The following FANCA variants were observed in gnomAD, a reference collection of about 807,000 sequenced individuals.
FANCA encodes FA complementation group A.
FANCA carries 236 observed loss-of-function variants against 194.3 expected under a neutral mutation model. The observed-to-expected ratio is 1.21, with a 90% CI of 1.09 to 1.35. The LOEUF is 1.35. FANCA is among the 40% of genes most tolerant of loss of function. The pLI is 0.00. For missense variants in FANCA, 2,628 were observed against 1,813.9 expected, an observed-to-expected ratio of 1.45 and a Z score of -8.15; for synonymous variants, 1,014 against 715.8, an observed-to-expected ratio of 1.42 and a Z score of -6.65.
intron 6 of FANCA, among the ~76,000 whole-genome samples, chr16:89,806,286 G>T (rs188269284): frequency 6.6e-6 from 1 of 151,668 alleles, no homozygotes; most frequent in Non-Finnish European, 1.5e-5. Flanking sequence ...GCTACTACTG[G>T]GTAGAGTGCT....
At chr16:89,803,152 A>G (rs1225132078) in intron 8 of FANCA, 107 bp downstream of exon 8, 2 of 1,081,416 alleles carry the variant, frequency 1.8e-6, no homozygotes, top group African/African-American at 3.1e-5. Context: ...TACCCCGTAA[A>G]TAGGTACAAA....
At chr16:89,767,078 C>G in intron 27 of FANCA, 63 bp downstream of exon 27, 2 of 1,350,842 alleles carry the variant, frequency 1.5e-6, no homozygotes, top group Non-Finnish European at 2.1e-6. Context: ...GCCTTCCGGT[C>G]CGAAAGCTGC....
Position 89,740,746 on chromosome 16 carries a change from G to C in FANCA, c.3828+58C>G, listed in dbSNP as rs1042325907. ...CCCTGACTTGGAAGCTGGCTGCCTG[G>C]TGCCCCTGCCTGGCCCACAGTGGGA... On this transcript the variant is annotated intron_variant, in intron 38 of 42. Coordinates refer to ENST00000389301, the MANE Select transcript of FANCA (RefSeq NM_000135.4). The C allele has an allele frequency of 2.7e-6, 4 of 1,477,106 alleles. No homozygotes were observed. In the African/African-American group the frequency reaches 4.2e-5, roughly 15 times the overall value. The allele number at this position is 1,477,106 out of a possible 1,614,324, so 91.5% of individuals were successfully genotyped here.
intron 20 of FANCA, among the ~76,000 whole-genome samples, chr16:89,778,149 G>A (rs2039574132): frequency 8.2e-6 from 1 of 121,794 alleles, no homozygotes; most frequent in African/African-American, 3.3e-5. Context: ...GCAACAGAGT[G>A]AGACTTCATC....
intron 36 of FANCA, 74 bp from the exon 37 acceptor site, chr16:89,743,012 T>G: frequency 1.9e-6 from 3 of 1,550,138 alleles, no homozygotes; most frequent in Non-Finnish European, 2.6e-6. Context: ...AAGTCCTTAT[T>G]CCCACCTGTC....
At chr16:89,771,900 A>G (rs2039340561) in intron 22 of FANCA, 86 bp from the exon 23 acceptor site, 1 of 1,499,434 alleles carries the variant, frequency 6.7e-7, no homozygotes, top group Non-Finnish European at 9.2e-7. Flanking sequence ...CCTCCCGTCA[A>G]GTACGATTCC....
At chr16:89,781,800 C>G (rs1245303469) in intron 17 of FANCA, among the ~76,000 whole-genome samples, 1 of 146,672 alleles carries the variant, frequency 6.8e-6, no homozygotes, top group African/African-American at 2.5e-5. Flanking sequence ...GAGATCGAGA[C>G]CATACTGGCT....
chr16:89,816,085 A>C lies in FANCA; in HGVS notation c.80-99T>G, dbSNP rs932328548. 1.1e-5 allele frequency: 10 copies of C among 880,112 alleles called. No individual in the cohort carries two copies. In the East Asian group the frequency reaches 2.3e-4, roughly 20 times the overall value. 54.5% of individuals were successfully genotyped at this position (880,112 alleles called of 1,614,324 possible). ...GACGCCGCGGAGAAACCCACCAGCG[A>C]CACCCTCCCGAAGAGGGGCCGGGGC... On this transcript the variant is annotated intron_variant, in intron 1 of 42. Transcript: ENST00000389301.
chr16:89,771,212 A>G (rs771621960), intron 23 of FANCA, among the ~76,000 whole-genome samples: 12 of 150,948 alleles, frequency 7.9e-5, no homozygotes, highest in Non-Finnish European at 1.8e-4. Context: ...TAATCCCAAC[A>G]CTTTGGGAGG....
At position 89,810,927 on chromosome 16, in the gene FANCA, ACT is replaced by A. The variant is rs763114336; in HGVS notation, c.426_426+1del. On this transcript the variant is annotated splice_donor_variant and coding_sequence_variant, in exon 4 of 43. Coordinates refer to ENST00000389301, the MANE Select transcript of FANCA (RefSeq NM_000135.4). LOFTEE classifies it high-confidence loss of function. ...GTTTCCTCATCTTTGCTGGTGTCTT[ACT>A]CTCTGCTCCACAGTCAGCAGCACAG... The A allele has an allele frequency of 6.2e-7, 1 of 1,613,888 alleles. No individual in the cohort carries two copies.
chr16:89,812,646 C>CAAAAAAAAAAAAAAAAAAAAAAAAAA (rs71137677), intron 3 of FANCA, among the ~76,000 whole-genome samples: 28 of 42,300 alleles, frequency 6.6e-4, no homozygotes, highest in Non-Finnish European at 1.4e-3. Context: ...TACTCCGTCT[C>CAAAAAAAAAAAAAAAAAAAAAAAAAA]AAAAAAAAAA....
Position 89,814,385 on chromosome 16 carries a change from G to A in FANCA, c.283+135C>T, listed in dbSNP as rs74033885. On this transcript the variant is annotated intron_variant, in intron 3 of 42. Transcript: ENST00000389301. Reference sequence around the variant, plus strand: ...GAGCAAGTCACACAAACATCCCATAGAATTTGCGACTACACACACCAGTGG... The same window carrying A: ...GAGCAAGTCACACAAACATCCCATAAAATTTGCGACTACACACACCAGTGG... 1.7e-3 allele frequency: 1,034 copies of A among 626,140 alleles called. 7 individuals are homozygous for A. In the African/African-American group the frequency reaches 0.018, roughly 11 times the overall value. The allele number at this position is 626,140 out of a possible 1,614,324, so 38.8% of individuals were successfully genotyped here.
At position 89,737,991 on chromosome 16, in the gene FANCA, G is replaced by T; in HGVS notation, c.*610C>A. 2 of 1,614,182 alleles carry T rather than the reference G, an allele frequency of 1.2e-6. No homozygotes were observed. The highest frequency in any genetic ancestry group is 8.5e-7 in the Non-Finnish European group (1 of 1,180,042). ...TGTCCCCCAGGTGTGAGGTCTGTGG[G>T]TTCCAGTGCAGGCAGCGGGCATCCC... On this transcript the variant is annotated 3_prime_UTR_variant, in exon 43 of 43. Transcript: ENST00000389301.
chr16:89,799,702 C>T (rs980840278), intron 8 of FANCA, 64 bp from the exon 9 acceptor site: 22 of 1,319,664 alleles, frequency 1.7e-5, no homozygotes, highest in Admixed American at 1.3e-4. Context: ...ATACCTGCAT[C>T]ACACAAGAGA....
At chr16:89,776,694 G>C (rs2039518130) in intron 20 of FANCA, among the ~76,000 whole-genome samples, 1 of 151,868 alleles carries the variant, frequency 6.6e-6, no homozygotes. Context: ...AGCCGGGCGT[G>C]GTGGCGGGCG....
At chr16:89,773,692 G>C (rs1287521288) in intron 21 of FANCA, among the ~76,000 whole-genome samples, 1 of 151,810 alleles carries the variant, frequency 6.6e-6, no homozygotes, top group Non-Finnish European at 1.5e-5. Context: ...ACACACGGAA[G>C]AAAACAAGGA....
At chr16:89,759,136 C>T (rs1333311562) in intron 29 of FANCA, among the ~76,000 whole-genome samples, 9 of 150,946 alleles carry the variant, frequency 6.0e-5, no homozygotes, top group Non-Finnish European at 8.8e-5. Context: ...CTGGGTAACA[C>T]GGTGAAACCT....
At chr16:89,815,590 G>A (rs1028436636) in intron 2 of FANCA, among the ~76,000 whole-genome samples, 2 of 151,890 alleles carry the variant, frequency 1.3e-5, no homozygotes, top group African/African-American at 2.4e-5. Flanking sequence ...TCCTGACCCT[G>A]AGTGATCCAC....
chr16:89,741,904 A>C (rs1219703644), intron 37 of FANCA, among the ~76,000 whole-genome samples: 1 of 152,192 alleles, frequency 6.6e-6, no homozygotes, highest in African/African-American at 2.4e-5. Flanking sequence ...AAATAAGCTG[A>C]AGAAACGCAC....
Sources: gnomAD v4.1 joint callset for allele counts (sites outside exome capture counted in the v4.1 genomes callset) on GRCh38, gnomAD v4.1.1 for gene constraint, MANE v1.5 for transcripts, NCBI Gene and HGNC (gene_info 2026-07-23, HGNC 2026-07-21) for gene names.